Variants in PTPRN2 observed in about 807,000 individuals in gnomAD.
The protein encoded by PTPRN2 is protein tyrosine phosphatase receptor type N2.
Under a neutral mutation model 118.8 loss-of-function variants are expected in PTPRN2, and 74 were observed. That is an observed-to-expected ratio of 0.62 (90% CI 0.52 to 0.76). The LOEUF is 0.76. Ranked by LOEUF, PTPRN2 falls within the 30% of genes least tolerant of loss-of-function variation. The probability of loss-of-function intolerance (pLI) is 0.00; values close to 1 mark genes in which losing one functional copy is unlikely to be tolerated. For missense variants in PTPRN2, 1,481 were observed against 1,394.4 expected (o/e 1.06, Z -0.99); for synonymous variants, 641 against 608.0 (o/e 1.05, Z -0.80).
At chr7:158,489,085 C>T (rs530503153) in intron 2 of PTPRN2, among the ~76,000 whole-genome samples, 2 of 152,362 alleles carry the variant, frequency 1.3e-5, no homozygotes, top group East Asian at 3.9e-4. Flanking sequence ...TCAGCCCAAC[C>T]TGAAAACACA....
intron 11 of PTPRN2, among the ~76,000 whole-genome samples, chr7:158,012,115 C>T (rs1806088903): frequency 6.6e-6 from 1 of 152,212 alleles, no homozygotes; most frequent in Non-Finnish European, 1.5e-5. Context: ...ACTGCTCCCT[C>T]CCACTCCTTG....
chr7:157,770,019 GCCC>G (rs1802707081), intron 12 of PTPRN2, among the ~76,000 whole-genome samples: 1 of 152,196 alleles, frequency 6.6e-6, no homozygotes, highest in African/African-American at 2.4e-5. Flanking sequence ...GGCCCCAGCA[GCCC>G]GTCCGGCCTG....
intron 3 of PTPRN2, among the ~76,000 whole-genome samples, chr7:158,280,778 G>C (rs571955556): frequency 2.2e-4 from 34 of 152,330 alleles, no homozygotes; most frequent in African/African-American, 7.7e-4. Context: ...TTTGCAGAGA[G>C]AGCTCAACTG....
At chr7:158,478,858 C>T (rs1820454192) in intron 2 of PTPRN2, among the ~76,000 whole-genome samples, 2 of 152,230 alleles carry the variant, frequency 1.3e-5, no homozygotes, top group Middle Eastern at 3.4e-3. Context: ...AAGAAAAAGA[C>T]AAAACTCAGT....
At chr7:157,982,873 TC>T (rs1161401775) in intron 11 of PTPRN2, among the ~76,000 whole-genome samples, 1 of 108,866 alleles carries the variant, frequency 9.2e-6, no homozygotes, top group Admixed American at 1.0e-4. Context: ...AGTACCGGGT[TC>T]CCCCCTAAAC....
chr7:157,569,055 G>T, intron 20 of PTPRN2, 89 bp from the exon 21 acceptor site: 2 of 1,230,288 alleles, frequency 1.6e-6, no homozygotes, highest in Non-Finnish European at 2.4e-6. Flanking sequence ...TTTCCTTCCT[G>T]CTTACGGGGG....
intron 12 of PTPRN2, among the ~76,000 whole-genome samples, chr7:157,816,160 C>T (rs1473911033): frequency 6.6e-6 from 1 of 152,186 alleles, no homozygotes; most frequent in Non-Finnish European, 1.5e-5. Context: ...AATTGCAGCC[C>T]AGAGACCCCC....
intron 2 of PTPRN2, among the ~76,000 whole-genome samples, chr7:158,333,491 A>G (rs1157628851): frequency 6.7e-6 from 1 of 148,556 alleles, no homozygotes; most frequent in Non-Finnish European, 1.5e-5. Flanking sequence ...TGACACCTGG[A>G]GACGTCACTC....
chr7:157,873,284 G>A (rs1345832473), intron 12 of PTPRN2, among the ~76,000 whole-genome samples: 2 of 152,252 alleles, frequency 1.3e-5, no homozygotes, highest in African/African-American at 4.8e-5. Flanking sequence ...AAATGAATGT[G>A]CACCAGGAAA....
intron 11 of PTPRN2, among the ~76,000 whole-genome samples, chr7:157,951,990 C>T (rs1238563329): frequency 6.6e-6 from 1 of 152,224 alleles, no homozygotes; most frequent in Admixed American, 6.5e-5. Flanking sequence ...CTCACGTCTC[C>T]AGCCTGCGCC....
At chr7:158,215,602 A>T (rs1381269364) in intron 3 of PTPRN2, among the ~76,000 whole-genome samples, 1 of 152,160 alleles carries the variant, frequency 6.6e-6, no homozygotes, top group South Asian at 2.1e-4. Flanking sequence ...ACAAAGAAAA[A>T]TCTTAACAGC....
intron 12 of PTPRN2, among the ~76,000 whole-genome samples, chr7:157,687,677 T>C (rs1167231087): frequency 6.6e-6 from 1 of 152,238 alleles, no homozygotes; most frequent in East Asian, 1.9e-4. Context: ...GTTTGCTGGA[T>C]GAATCCTCTT....
rs1826184243 is a variant in PTPRN2, at chr7:158,544,686, T to C, written c.112+42872A>G. 6.6e-6 allele frequency among the ~76,000 whole-genome samples: 1 copy of C among 152,062 alleles called. No homozygotes were observed. Among genetic ancestry groups the C allele is most frequent in the Admixed American group, 6.6e-5 (1 of 15,264 alleles). On this transcript the variant is annotated intron_variant, in intron 1 of 22. Transcript: ENST00000389418. This position sits in a 1 kb window ranked among gnomAD's most constrained non-coding sequence, Gnocchi z 4.2. Reference sequence around the variant, plus strand: ...TTTTTTTGCAATTTTTTAAAGCTCATAAGCTATCACTGTGTGAGTGTATTT... The same window carrying C: ...TTTTTTTGCAATTTTTTAAAGCTCACAAGCTATCACTGTGTGAGTGTATTT...
chr7:157,975,925 G>A (rs1284599552), intron 11 of PTPRN2, among the ~76,000 whole-genome samples: 1 of 152,176 alleles, frequency 6.6e-6, no homozygotes, highest in East Asian at 1.9e-4. Context: ...ACTAGAGATA[G>A]GCTTTGGACA....
chr7:158,366,838 AATGGAAATAAACCATGAAAATG>A (rs1356119887), intron 2 of PTPRN2, among the ~76,000 whole-genome samples: 1 of 152,222 alleles, frequency 6.6e-6, no homozygotes, highest in African/African-American at 2.4e-5. Context: ...GGGTATTGTG[AATGGAAATAAACCATGAAAATG>A]ACCGAAGACG....
intron 3 of PTPRN2, among the ~76,000 whole-genome samples, chr7:158,211,868 T>A: frequency 6.6e-6 from 1 of 152,144 alleles, no homozygotes. Context: ...CACTGCTAGG[T>A]TTATACCCAA....
At chr7:157,774,620 A>G (rs1309344811) in intron 12 of PTPRN2, among the ~76,000 whole-genome samples, 1 of 152,186 alleles carries the variant, frequency 6.6e-6, no homozygotes, top group African/African-American at 2.4e-5. Context: ...AGTGTCGGCA[A>G]AAGTGGGCTC....
chr7:157,607,454 C>T (rs1411985111), intron 15 of PTPRN2, among the ~76,000 whole-genome samples: 1 of 152,254 alleles, frequency 6.6e-6, no homozygotes, highest in Non-Finnish European at 1.5e-5. Flanking sequence ...CAACTGCGGA[C>T]CGTTCTTACG....
intron 3 of PTPRN2, among the ~76,000 whole-genome samples, chr7:158,314,798 C>T (rs1479902223): frequency 2.0e-5 from 3 of 152,262 alleles, no homozygotes; most frequent in Non-Finnish European, 4.4e-5. Context: ...AAAGCAGACA[C>T]GTGTAGCACT....
Sources: gnomAD v4.1 joint callset for allele counts (sites outside exome capture counted in the v4.1 genomes callset) on GRCh38, gnomAD v4.1.1 for gene constraint, Gnocchi (gnomAD v3.1) non-coding constraint, MANE v1.5 for transcripts, NCBI Gene and HGNC (gene_info 2026-07-23, HGNC 2026-07-21) for gene names.